SEMA3A: variants seen among roughly 807,000 people sequenced by gnomAD.
SEMA3A encodes semaphorin-3A.
In SEMA3A, 29 loss-of-function variants were observed where a neutral mutation model predicts 97.9. The ratio of observed to expected loss-of-function variants is 0.30; its 90% CI spans 0.22 to 0.40. SEMA3A has a LOEUF of 0.40. Among genes scored for constraint, SEMA3A ranks in the 10% least tolerant of loss-of-function variants. The pLI is 1.00. For missense variants in SEMA3A, 763 were observed against 951.3 expected (o/e 0.80, Z 2.60); for synonymous variants, 321 against 323.7 (o/e 0.99, Z 0.09).
intron 3 of SEMA3A, among the ~76,000 whole-genome samples, chr7:84,241,822 G>T (rs937937302): frequency 1.1e-4 from 16 of 152,000 alleles, no homozygotes; most frequent in African/African-American, 3.4e-4. Flanking sequence ...TAAGGTAGGG[G>T]TTCATTTTCA....
intron 6 of SEMA3A, among the ~76,000 whole-genome samples, chr7:84,044,370 C>G (rs927786123): frequency 1.3e-5 from 2 of 151,944 alleles, no homozygotes; most frequent in Non-Finnish European, 2.9e-5. Flanking sequence ...CCCGTCTATC[C>G]CTGGTGGCAG....
At chr7:84,016,093 T>G (rs1323164363) in intron 6 of SEMA3A, among the ~76,000 whole-genome samples, 1 of 152,056 alleles carries the variant, frequency 6.6e-6, no homozygotes, top group Non-Finnish European at 1.5e-5. Context: ...TATGCATATA[T>G]AGTGAGGAGT....
chr7:83,998,953 T>G (rs1790327393), intron 12 of SEMA3A, among the ~76,000 whole-genome samples: 1 of 152,118 alleles, frequency 6.6e-6, no homozygotes. Flanking sequence ...ATCTCTATAT[T>G]ATAGGAGATA....
At chr7:83,972,481 A>G (rs558967913) in intron 15 of SEMA3A, among the ~76,000 whole-genome samples, 1 of 152,214 alleles carries the variant, frequency 6.6e-6, no homozygotes, top group African/African-American at 2.4e-5. Flanking sequence ...AATAATCTCT[A>G]TGCCAGAGCA....
At position 83,959,160 on chromosome 7, in the gene SEMA3A, TG is replaced by T. The variant is rs1235089870; in HGVS notation, c.*2210del. ...TGTCATTTCATAACACTAAACAAAATGCATTCAAATTCTGAAAGTCTTCTAT... is the reference window on the plus strand; with the variant it reads ...TGTCATTTCATAACACTAAACAAAATCATTCAAATTCTGAAAGTCTTCTAT... On this transcript the variant is annotated 3_prime_UTR_variant, in exon 17 of 17. Coordinates refer to ENST00000265362, the MANE Select transcript of SEMA3A (RefSeq NM_006080.3). The T allele has an allele frequency of 6.6e-6, 1 of 152,060 alleles. No homozygotes were observed. Among genetic ancestry groups the T allele is most frequent in the East Asian group, 1.9e-4 (1 of 5,194 alleles). The allele number at this position is 152,060 out of a possible 1,614,324, so 9.4% of individuals were successfully genotyped here.
intron 1 of SEMA3A, among the ~76,000 whole-genome samples, chr7:84,461,464 C>T: frequency 6.8e-6 from 1 of 148,066 alleles, no homozygotes; most frequent in African/African-American, 2.5e-5. Context: ...ACTTGGAAAG[C>T]TTTTTTTTTT....
intron 1 of SEMA3A, among the ~76,000 whole-genome samples, chr7:84,444,431 A>C (rs969735680): frequency 6.6e-6 from 1 of 152,108 alleles, no homozygotes; most frequent in Admixed American, 6.6e-5. Context: ...TTCTACTGTT[A>C]ATCATTTTCT....
intron 3 of SEMA3A, among the ~76,000 whole-genome samples, chr7:84,255,029 A>C (rs1383505286): frequency 2.6e-5 from 4 of 152,148 alleles, no homozygotes; most frequent in Non-Finnish European, 4.4e-5. Context: ...AGTGAAAAGC[A>C]GACAGAAGTA....
At chr7:84,225,591 G>C (rs1015666844) in intron 3 of SEMA3A, among the ~76,000 whole-genome samples, 4 of 152,058 alleles carry the variant, frequency 2.6e-5, no homozygotes, top group African/African-American at 9.7e-5. Context: ...ATAAACTAAA[G>C]AAGTTGTTTT....
chr7:84,222,049 C>T (rs147896325), intron 3 of SEMA3A, among the ~76,000 whole-genome samples: 203 of 151,914 alleles, frequency 1.3e-3, no homozygotes, highest in African/African-American at 4.7e-3. Flanking sequence ...TACAGTATTA[C>T]GAATATAATC....
chr7:84,382,638 C>A (rs1228382292), intron 1 of SEMA3A, among the ~76,000 whole-genome samples: 6 of 137,978 alleles, frequency 4.3e-5, no homozygotes, highest in Admixed American at 8.1e-5. Context: ...GCGGGCAGAT[C>A]ATGAGGTCAG....
intron 2 of SEMA3A, among the ~76,000 whole-genome samples, chr7:84,365,113 C>T (rs919536613): frequency 2.0e-5 from 3 of 151,332 alleles, no homozygotes; most frequent in African/African-American, 7.3e-5. Context: ...GAGATAAAGT[C>T]AATTCAATCC....
At position 83,992,087 on chromosome 7, in the gene SEMA3A, G is replaced by C. The variant is rs1196261048; in HGVS notation, c.1453-6610C>G. Among the ~76,000 whole-genome samples, 8 of 140,788 alleles carry C rather than the reference G, an allele frequency of 5.7e-5. No individual in the cohort carries two copies. The Admixed American group carries it at 5.8e-4, about 10-fold the overall frequency. The allele number at this position is 140,788 out of a possible 152,430, so 92.4% of individuals were successfully genotyped here. On this transcript the variant is annotated intron_variant, in intron 12 of 16. Transcript: ENST00000265362. ...TCGAGGAATTTATCCATTTCTTCTAGATTTTCTAGTTTATTTGCGTAGAGG... is the reference window on the plus strand; with the variant it reads ...TCGAGGAATTTATCCATTTCTTCTACATTTTCTAGTTTATTTGCGTAGAGG...
At chr7:84,429,356 C>T (rs1804908250) in intron 1 of SEMA3A, among the ~76,000 whole-genome samples, 1 of 150,664 alleles carries the variant, frequency 6.6e-6, no homozygotes, top group Non-Finnish European at 1.5e-5. Flanking sequence ...TCGTTTGTAA[C>T]CATAGTGTGA....
intron 1 of SEMA3A, among the ~76,000 whole-genome samples, chr7:84,483,412 T>TTTTCACTGGGCAGGCCCC (rs1463001217): frequency 3.9e-4 from 60 of 152,298 alleles, no homozygotes; most frequent in Middle Eastern, 6.8e-3. Context: ...ATGGTGATGA[T>TTTTCACTGGGCAGGCCCC]TTTCACTGGG....
chr7:84,220,217 C>T (rs911242510), intron 3 of SEMA3A, among the ~76,000 whole-genome samples: 1 of 152,140 alleles, frequency 6.6e-6, no homozygotes, highest in Non-Finnish European at 1.5e-5. Flanking sequence ...GGAAGGAAAT[C>T]CTCATCCGTA....
At chr7:84,479,518 G>T (rs1254375572) in intron 1 of SEMA3A, among the ~76,000 whole-genome samples, 12 of 152,122 alleles carry the variant, frequency 7.9e-5, no homozygotes, top group Admixed American at 7.9e-4. Flanking sequence ...GTATCTAGCA[G>T]AGAATAGAAC....
rs143024519 is a variant in SEMA3A at position 84,420,781 on chromosome 7, G to T, written c.-245-48881C>A. Among the ~76,000 whole-genome samples, 372 of 152,144 alleles carry T rather than the reference G, an allele frequency of 2.4e-3. 2 individuals carry two copies. Among genetic ancestry groups the T allele is most frequent in the African/African-American group, 8.8e-3 (364 of 41,530 alleles). ...GATTTTCTAGTTTATTTGCCTAGAG[G>T]TGTATATAGTATTCTTGGATGGTAG... On this transcript the variant is annotated intron_variant, in intron 1 of 3. Coordinates refer to the SEMA3A transcript ENST00000424555.
intron 3 of SEMA3A, among the ~76,000 whole-genome samples, chr7:84,260,150 C>T (rs1266517966): frequency 6.6e-6 from 1 of 152,128 alleles, no homozygotes; most frequent in Non-Finnish European, 1.5e-5. Flanking sequence ...ATGAGAATAA[C>T]TGAATCATTT....
Sources: gnomAD v4.1 joint callset for allele counts (sites outside exome capture counted in the v4.1 genomes callset) on GRCh38, gnomAD v4.1.1 for gene constraint, MANE v1.5 for transcripts, NCBI Gene and HGNC (gene_info 2026-07-23, HGNC 2026-07-21) for gene names.